Variants in IPO8 observed in about 807,000 individuals in gnomAD.
IPO8 encodes the protein importin-8.
A neutral mutation model predicts 141.2 loss-of-function variants in IPO8; 65 were observed. The ratio of observed to expected loss-of-function variants is 0.46; its 90% CI spans 0.38 to 0.57. The LOEUF is 0.57. IPO8 is among the 20% of genes least tolerant of loss of function. The pLI, the probability that IPO8 is intolerant of heterozygous loss-of-function variation, is 0.00. For missense variants in IPO8, 980 were observed against 1,246.8 expected, an observed-to-expected ratio of 0.79 and a Z score of 3.22; for synonymous variants, 411 against 420.3, an observed-to-expected ratio of 0.98 and a Z score of 0.27.
chr12:30,695,480 G>A lies in IPO8; in HGVS notation c.84+84C>T, dbSNP rs566012578. 2.5e-5 allele frequency: 31 copies of A among 1,223,270 alleles called. No homozygotes were observed. Among genetic ancestry groups the A allele is most frequent in the South Asian group, 2.1e-4 (17 of 79,094 alleles). The allele number at this position is 1,223,270 out of a possible 1,614,324, so 75.8% of individuals were successfully genotyped here. ...GCCCCAGCCCGGTGGGGGTGAGGAC[G>A]AGGGGCGCCGGGGAGAGGGAGCCCG... On this transcript the variant is annotated intron_variant, in intron 1 of 24. Coordinates refer to ENST00000256079, the MANE Select transcript of IPO8 (RefSeq NM_006390.4). This position sits in a 1 kb window ranked among gnomAD's most constrained non-coding sequence, Gnocchi z 4.2.
chr12:30,645,767 C>A (rs1198041024), intron 20 of IPO8, among the ~76,000 whole-genome samples: 2 of 151,842 alleles, frequency 1.3e-5, no homozygotes, highest in Non-Finnish European at 2.9e-5. Flanking sequence ...TGAAAAATTC[C>A]AAGATGCAAA....
intron 13 of IPO8, among the ~76,000 whole-genome samples, chr12:30,664,679 A>G (rs1438722845): frequency 6.6e-6 from 1 of 152,238 alleles, no homozygotes; most frequent in Non-Finnish European, 1.5e-5. Flanking sequence ...CATGTTTTAC[A>G]TATGCAGCAA....
chr12:30,680,732 TAACAA>T (rs2053180783), intron 4 of IPO8, 94 bp from the exon 5 acceptor site: 6 of 1,006,154 alleles, frequency 6.0e-6, no homozygotes, highest in Non-Finnish European at 8.5e-6. Flanking sequence ...TACATAAAAC[TAACAA>T]AACAAAGTCA....
chr12:30,670,029 T>C (rs1329397348), intron 9 of IPO8, among the ~76,000 whole-genome samples: 2 of 152,146 alleles, frequency 1.3e-5, no homozygotes, highest in Admixed American at 1.3e-4. Context: ...TTTACAGCTA[T>C]GTAAAAATAA....
chr12:30,685,542 T>C (rs1046293593), intron 2 of IPO8, among the ~76,000 whole-genome samples: 2 of 151,602 alleles, frequency 1.3e-5, no homozygotes, highest in African/African-American at 2.4e-5. Flanking sequence ...AGAATACAGA[T>C]ACGTGATTTG....
chr12:30,669,028 C>T (rs1297286687), intron 10 of IPO8, among the ~76,000 whole-genome samples, 155 bp downstream of exon 10: 1 of 152,132 alleles, frequency 6.6e-6, no homozygotes, highest in Admixed American at 6.5e-5. Flanking sequence ...TCTAGTTCAA[C>T]AAAATAACAT....
rs187619403 is a variant in IPO8 at position 30,640,701 on chromosome 12, T to C, written c.2269-966A>G. 4.6e-5 allele frequency among the ~76,000 whole-genome samples: 7 copies of C among 152,284 alleles called. No homozygotes were observed. The East Asian group carries it at 1.2e-3, about 25-fold the overall frequency. ...GGATAAACGCAGCCACAAGAAAATATAAATTAAGTTTGAAAAGCTCTTTTT... is the reference window on the plus strand; with the variant it reads ...GGATAAACGCAGCCACAAGAAAATACAAATTAAGTTTGAAAAGCTCTTTTT... On this transcript the variant is annotated intron_variant, in intron 20 of 24. Coordinates refer to ENST00000256079, the MANE Select transcript of IPO8 (RefSeq NM_006390.4).
chr12:30,665,873 C>T (rs1457982674), intron 11 of IPO8, 28 bp from the exon 12 acceptor site: 3 of 1,426,678 alleles, frequency 2.1e-6, no homozygotes, highest in Middle Eastern at 1.8e-4. Context: ...TCCATTTAGT[C>T]TACATGAACT....
At chr12:30,681,856 T>C (rs1348111318) in intron 3 of IPO8, 39 bp from the exon 4 acceptor site, 2 of 1,534,412 alleles carry the variant, frequency 1.3e-6, no homozygotes, top group Admixed American at 1.9e-5. Context: ...TCTAAGTAAT[T>C]ATAAATACTG....
intron 8 of IPO8, among the ~76,000 whole-genome samples, chr12:30,672,243 G>T (rs1376022906): frequency 6.6e-6 from 1 of 152,034 alleles, no homozygotes; most frequent in Non-Finnish European, 1.5e-5. Flanking sequence ...TTCAAAATAG[G>T]TACAGAAATT....
chr12:30,640,364 C>T (rs529872865), intron 20 of IPO8, among the ~76,000 whole-genome samples: 8 of 151,976 alleles, frequency 5.3e-5, no homozygotes, highest in African/African-American at 1.7e-4. Context: ...CTATAAGCCC[C>T]TTTTTAAATT....
Position 30,637,051 on chromosome 12 carries a change from A to G in IPO8, c.2626T>C (p.Cys876Arg). The G allele has an allele frequency of 1.2e-6, 2 of 1,614,140 alleles. No individual in the cohort carries two copies. Among genetic ancestry groups the G allele is most frequent in the South Asian group, 1.1e-5 (1 of 91,082 alleles). Residue 876 changes from cysteine to arginine, a missense_variant, in exon 22 of 25, where the codon TGT becomes CGT. By Grantham distance (180) the Cys-to-Arg change is radical. This residue lies in a region of IPO8 where 924 missense variants were observed against 1,153.9 expected (regional missense o/e 0.80). Coordinates refer to ENST00000256079, the MANE Select transcript of IPO8 (RefSeq NM_006390.4). ...LFLFLGLKQV[C>R]ATRQLVNRED... ...CGGTTTACCAGTTGTCTAGTAGCAC[A>G]GACCTGCTTTAGGCCAAGGAAAAGG...
intron 3 of IPO8, among the ~76,000 whole-genome samples, chr12:30,683,037 T>G (rs2053204960): frequency 6.6e-6 from 1 of 152,150 alleles, no homozygotes; most frequent in South Asian, 2.1e-4. Context: ...AACTGAAGCT[T>G]TTCATTTTTT....
In IPO8 at chr12:30,645,326, T is replaced by C. The variant is rs181443947; in HGVS notation, c.2268+3811A>G. Among the ~76,000 whole-genome samples the C allele has an allele frequency of 1.3e-4, 19 of 151,246 alleles. No homozygotes were observed. In the East Asian group the frequency reaches 3.0e-3, roughly 24 times the overall value. ...AGGCGGAGGTTGCAGTAAGCCAAGA[T>C]TGCGCCACTGCACTCCAGCCTGGGT... On this transcript the variant is annotated intron_variant, in intron 20 of 24. Coordinates refer to ENST00000256079, the MANE Select transcript of IPO8 (RefSeq NM_006390.4).
intron 20 of IPO8, among the ~76,000 whole-genome samples, chr12:30,640,177 T>C (rs2052557725): frequency 6.6e-6 from 1 of 152,108 alleles, no homozygotes; most frequent in Non-Finnish European, 1.5e-5. Context: ...CCTGTTAATA[T>C]AAGATGAAAA....
intron 5 of IPO8, chr12:30,677,096 C>T (rs1032448243): frequency 6.6e-7 from 1 of 1,509,686 alleles, no homozygotes; most frequent in Non-Finnish European, 8.8e-7. Flanking sequence ...CACATCCATT[C>T]AGTACAAAAC....
chr12:30,654,433 G>A (rs1565498421), intron 17 of IPO8, among the ~76,000 whole-genome samples: 2 of 151,252 alleles, frequency 1.3e-5, no homozygotes, highest in Non-Finnish European at 2.9e-5. Flanking sequence ...TCACAGAACA[G>A]ACAACCTCCA....
At chr12:30,680,396 A>T in intron 5 of IPO8, 86 bp downstream of exon 5, 1 of 1,009,152 alleles carries the variant, frequency 9.9e-7, no homozygotes, top group Non-Finnish European at 1.4e-6. Flanking sequence ...AATAATTTTT[A>T]ATAATAAGTG....
At chr12:30,680,104 CCCTTCTTCTTTTCCTTCTTCTTTT>C (rs137864155) in intron 5 of IPO8, among the ~76,000 whole-genome samples, 5 of 151,638 alleles carry the variant, frequency 3.3e-5, no homozygotes, top group African/African-American at 1.2e-4. Context: ...AAGAGGGACT[CCCTTCTTCTTTTCCTTCTTCTTTT>C]CCTTCTTCTT....
Sources: allele counts gnomAD v4.1 joint callset (sites outside exome capture counted in the v4.1 genomes callset), GRCh38; gene constraint gnomAD v4.1.1; regional missense constraint gnomAD v4.1.1; non-coding constraint Gnocchi (gnomAD v3.1); transcripts MANE v1.5; gene names NCBI Gene and HGNC (gene_info 2026-07-23, HGNC 2026-07-21).